Variants in SLIT3 observed in about 807,000 individuals in gnomAD.
SLIT3 encodes slit homolog 3 protein.
A neutral mutation model predicts 184.0 loss-of-function variants in SLIT3; 68 were observed. The observed-to-expected ratio is 0.37, with a 90% CI of 0.30 to 0.45. SLIT3 has a LOEUF of 0.45. Ranked by LOEUF, SLIT3 falls within the 20% of genes least tolerant of loss-of-function variation. SLIT3 has a pLI of 1.00. For missense variants in SLIT3, 1,707 were observed against 2,026.0 expected (o/e 0.84, Z 3.02); for synonymous variants, 831 against 828.6 (o/e 1.00, Z -0.05).
chr5:168,782,936 T>C (rs1407647131), intron 12 of SLIT3, among the ~76,000 whole-genome samples: 2 of 152,188 alleles, frequency 1.3e-5, no homozygotes, highest in Non-Finnish European at 2.9e-5. Flanking sequence ...TTTTCAAACA[T>C]CTGAAGACAA....
intron 3 of SLIT3, among the ~76,000 whole-genome samples, chr5:169,218,110 G>A (rs1029872889): frequency 6.6e-6 from 1 of 152,208 alleles, no homozygotes; most frequent in East Asian, 1.9e-4. Flanking sequence ...CTTCCTTGAA[G>A]ATATTTTCAT....
At chr5:169,037,093 G>A (rs1306807833) in intron 4 of SLIT3, among the ~76,000 whole-genome samples, 2 of 151,630 alleles carry the variant, frequency 1.3e-5, no homozygotes, top group Non-Finnish European at 2.9e-5. Context: ...TCTCCACTCA[G>A]CCCCCACCTC....
At chr5:168,967,461 A>T (rs1763243437) in intron 4 of SLIT3, among the ~76,000 whole-genome samples, 2 of 1,236 alleles carry the variant, frequency 1.6e-3, no homozygotes, top group East Asian at 0.062. Flanking sequence ...TTTTTTTGAG[A>T]CGGAGTCTCG....
chr5:169,196,555 C>T (rs1763750304), intron 3 of SLIT3, among the ~76,000 whole-genome samples: 1 of 152,196 alleles, frequency 6.6e-6, no homozygotes, highest in African/African-American at 2.4e-5. Context: ...ATAACTGCAG[C>T]AGTGCTCATG....
At chr5:168,750,608 C>T (rs1754661416) in intron 18 of SLIT3, among the ~76,000 whole-genome samples, 1 of 152,084 alleles carries the variant, frequency 6.6e-6, no homozygotes, top group Non-Finnish European at 1.5e-5. Context: ...GGGACTCTGC[C>T]CTTCTGGGCA....
chr5:169,191,920 C>A (rs1003656493), intron 4 of SLIT3, among the ~76,000 whole-genome samples: 1 of 152,202 alleles, frequency 6.6e-6, no homozygotes, highest in East Asian at 1.9e-4. Context: ...CTCCCAGGTA[C>A]CTTCCCTTTG....
intron 4 of SLIT3, among the ~76,000 whole-genome samples, chr5:169,049,588 C>T (rs1210533117): frequency 6.6e-6 from 1 of 152,186 alleles, no homozygotes; most frequent in Non-Finnish European, 1.5e-5. Flanking sequence ...TAGTCAGGAA[C>T]AGAACATCAG....
chr5:169,125,401 C>T (rs1360353117), intron 4 of SLIT3, among the ~76,000 whole-genome samples: 2 of 152,210 alleles, frequency 1.3e-5, no homozygotes, highest in Non-Finnish European at 2.9e-5. Context: ...GGAAAGCCTT[C>T]TCGCTGGAAA....
intron 1 of SLIT3, among the ~76,000 whole-genome samples, chr5:169,258,089 C>T (rs61174378): frequency 0.045 from 6,860 of 152,014 alleles, 529 homozygotes; most frequent in African/African-American, 0.16. Flanking sequence ...GTTTAGTTTC[C>T]CCCATCCCCA....
intron 5 of SLIT3, among the ~76,000 whole-genome samples, chr5:168,874,517 TAGG>T (rs1457748393): frequency 1.3e-5 from 2 of 152,178 alleles, no homozygotes; most frequent in African/African-American, 4.8e-5. Flanking sequence ...TTACAGGCTA[TAGG>T]AGGAGGAGGA....
chr5:169,256,800 C>T (rs1349176495), intron 1 of SLIT3, among the ~76,000 whole-genome samples: 7 of 152,038 alleles, frequency 4.6e-5, no homozygotes, highest in Non-Finnish European at 4.4e-5. Flanking sequence ...AGAAGGCTCC[C>T]GAGTTATTGT....
At position 168,902,080 on chromosome 5, in the gene SLIT3, C is replaced by T. The variant is rs541254662; in HGVS notation, c.414-18744G>A. 2.1e-3 allele frequency among the ~76,000 whole-genome samples: 327 copies of T among 152,208 alleles called. 3 individuals carry two copies. The highest frequency in any genetic ancestry group is 7.5e-3 in the African/African-American group (312 of 41,536). On this transcript the variant is annotated intron_variant, in intron 4 of 35. Transcript: ENST00000519560. ...CTAACTTTTGTATTTTTAGTAGAGA[C>T]GGGATTTCACCATTTTGGCCAGTAT...
intron 4 of SLIT3, among the ~76,000 whole-genome samples, chr5:168,896,521 AG>A (rs1422569372): frequency 5.9e-5 from 9 of 152,146 alleles, no homozygotes; most frequent in Non-Finnish European, 8.8e-5. Flanking sequence ...CAGCAACTCC[AG>A]GTCAAGTTCA....
chr5:168,774,029 G>C (rs1364988301), intron 13 of SLIT3, among the ~76,000 whole-genome samples: 6 of 152,226 alleles, frequency 3.9e-5, no homozygotes, highest in Non-Finnish European at 1.5e-5. Flanking sequence ...TTTTAAGACA[G>C]GGTAAGTACT....
intron 6 of SLIT3, among the ~76,000 whole-genome samples, chr5:168,829,059 C>T (rs2113681994): frequency 6.6e-6 from 1 of 152,292 alleles, no homozygotes; most frequent in South Asian, 2.1e-4. Flanking sequence ...CCACTGTTCC[C>T]TTCTGAGTGT....
chr5:169,285,574 A>G (rs541432683), intron 1 of SLIT3, among the ~76,000 whole-genome samples: 57 of 152,338 alleles, frequency 3.7e-4, no homozygotes, highest in Middle Eastern at 3.4e-3. Context: ...CAGAAGGGGT[A>G]CTATGTTGCT....
chr5:168,827,207 C>T (rs1165317319), intron 6 of SLIT3, among the ~76,000 whole-genome samples: 1 of 152,190 alleles, frequency 6.6e-6, no homozygotes, highest in Non-Finnish European at 1.5e-5. Flanking sequence ...ATGTTAGTTT[C>T]CTATGGCTGC....
chr5:168,723,201 G>A (rs1215889068), intron 21 of SLIT3, among the ~76,000 whole-genome samples, 197 bp from the exon 22 acceptor site: 3 of 151,328 alleles, frequency 2.0e-5, no homozygotes, highest in African/African-American at 4.9e-5. Flanking sequence ...TCACCCATCC[G>A]CTTTCCCATC....
At chr5:169,162,314 C>G (rs1762506929) in intron 4 of SLIT3, among the ~76,000 whole-genome samples, 2 of 152,206 alleles carry the variant, frequency 1.3e-5, no homozygotes, top group African/African-American at 4.8e-5. Flanking sequence ...TTTGTTTTAA[C>G]AAGTCCTCCA....
Sources: allele counts gnomAD v4.1 joint callset (sites outside exome capture counted in the v4.1 genomes callset), GRCh38; gene constraint gnomAD v4.1.1; transcripts MANE v1.5; gene names NCBI Gene and HGNC (gene_info 2026-07-23, HGNC 2026-07-21).